Variants in DAAM1 observed in about 807,000 individuals in gnomAD.
DAAM1 encodes dishevelled associated activator of morphogenesis 1.
Under a neutral mutation model 130.0 loss-of-function variants are expected in DAAM1, and 52 were observed. The observed-to-expected ratio is 0.40, with a 90% CI of 0.32 to 0.50. DAAM1 has a LOEUF of 0.50. Ranked by LOEUF, DAAM1 falls within the 20% of genes least tolerant of loss-of-function variation. DAAM1 has a pLI of 0.61. For synonymous variants in DAAM1, 452 were observed against 444.5 expected, an observed-to-expected ratio of 1.02 and a Z score of -0.21; for missense variants, 1,134 against 1,303.8, an observed-to-expected ratio of 0.87 and a Z score of 2.01.
At chr14:59,225,070 C>T (rs1888900456) in intron 1 of DAAM1, among the ~76,000 whole-genome samples, 1 of 127,876 alleles carries the variant, frequency 7.8e-6, no homozygotes, top group South Asian at 2.6e-4. Context: ...CTTCTGTTAC[C>T]AGGCTGGAGT....
intron 23 of DAAM1, among the ~76,000 whole-genome samples, chr14:59,365,197 G>T (rs1347416756): frequency 6.6e-6 from 1 of 152,112 alleles, no homozygotes; most frequent in Non-Finnish European, 1.5e-5. Flanking sequence ...GTAGGGGGTG[G>T]AACTTTAATC....
At chr14:59,285,532 A>G (rs1031418052) in intron 2 of DAAM1, among the ~76,000 whole-genome samples, 1 of 152,188 alleles carries the variant, frequency 6.6e-6, no homozygotes, top group Admixed American at 6.6e-5. Context: ...GCTGCCTTCA[A>G]GAGACCCATC....
At chr14:59,338,314 C>G (rs906315460) in intron 15 of DAAM1, 8 of 1,485,564 alleles carry the variant, frequency 5.4e-6, no homozygotes, top group African/African-American at 4.2e-5. Flanking sequence ...TGACTTTCCC[C>G]CATTTGTTGC....
At chr14:59,335,497 C>T (rs1594831843) in intron 15 of DAAM1, among the ~76,000 whole-genome samples, 1 of 152,106 alleles carries the variant, frequency 6.6e-6, no homozygotes, top group Admixed American at 6.5e-5. Context: ...TATTCATCTC[C>T]GTTTTATGGG....
intron 23 of DAAM1, among the ~76,000 whole-genome samples, chr14:59,366,556 T>G (rs751701972): frequency 2.3e-4 from 35 of 152,216 alleles, no homozygotes; most frequent in Non-Finnish European, 4.0e-4. Context: ...TAGGGTGCTA[T>G]ACCCTACAAT....
chr14:59,305,777 G>T (rs1387823788), intron 3 of DAAM1, among the ~76,000 whole-genome samples: 1 of 152,190 alleles, frequency 6.6e-6, no homozygotes, highest in Non-Finnish European at 1.5e-5. Flanking sequence ...TCTGTAAAGT[G>T]GCACTCTTTT....
Position 59,363,661 on chromosome 14 carries a change from A to T in DAAM1, c.2705A>T (p.Tyr902Phe), listed in dbSNP as rs774887513. Reference sequence around the variant, plus strand: ...TTTCCTGTGTTTAAGGAGCTGGAATATCAGAAGTCTCAGCCCCCACAGCCC... The same window carrying T: ...TTTCCTGTGTTTAAGGAGCTGGAATTTCAGAAGTCTCAGCCCCCACAGCCC... ...GLKAVETELE[Y>F]QKSQPPQPGD... is the part of the protein sequence containing the mutation. Residue 902 changes from tyrosine (Y) to phenylalanine (F), a missense_variant, in exon 23 of 25, where the codon TAT becomes TTT. Tyr to Phe is a conservative substitution (Grantham distance 22). Around this residue, in one of 3 missense-constraint regions of DAAM1, gnomAD observed 644 missense variants for 695.9 expected, o/e 0.93. Transcript: ENST00000360909. 1 of 1,614,118 alleles carries T rather than the reference A, an allele frequency of 6.2e-7. No individual in the cohort carries two copies. The highest frequency in any genetic ancestry group is 1.7e-5 in the Admixed American group (1 of 60,024).
At position 59,331,308 on chromosome 14, in the gene DAAM1, C is replaced by A. The variant is rs751570137; in HGVS notation, c.1660C>A (p.Pro554Thr). The A allele has an allele frequency of 6.2e-7, 1 of 1,612,138 alleles. No homozygotes were observed. Among genetic ancestry groups the A allele is most frequent in the Non-Finnish European group, 8.5e-7 (1 of 1,179,760 alleles). The stretch of plus-strand genomic sequence containing the variant: ...TGGATCTCTCCTTCCTCCCCCACCA[C>A]CCCCACCTCTACCAGGTGGGATGCT... The part of the protein sequence containing the change: ...VPGSLLPPPP[P>T]PPLPGGMLPP... Residue 554 changes from proline (P) to threonine (T), a missense_variant, in exon 14 of 25, where the codon CCC becomes ACC. By Grantham distance (38) the Pro-to-Thr change is conservative. This residue lies in a region of DAAM1 where 644 missense variants were observed against 695.9 expected (regional missense o/e 0.93). Transcript: ENST00000360909.
intron 3 of DAAM1, among the ~76,000 whole-genome samples, chr14:59,294,334 CTCTA>C (rs1279796581): frequency 6.6e-6 from 1 of 152,216 alleles, no homozygotes; most frequent in Non-Finnish European, 1.5e-5. Flanking sequence ...TATGAAACTT[CTCTA>C]TCTATATCTC....
At chr14:59,259,018 C>T (rs1255120844) in intron 1 of DAAM1, among the ~76,000 whole-genome samples, 1 of 152,144 alleles carries the variant, frequency 6.6e-6, no homozygotes, top group Non-Finnish European at 1.5e-5. Flanking sequence ...CTTTTTAAGA[C>T]TTGAAAAATG....
At chr14:59,271,864 C>T (rs938254827) in intron 2 of DAAM1, among the ~76,000 whole-genome samples, 36 of 151,956 alleles carry the variant, frequency 2.4e-4, no homozygotes, top group Admixed American at 2.4e-3. Flanking sequence ...AAGTGAAGAC[C>T]GTGACTAACA....
intron 2 of DAAM1, among the ~76,000 whole-genome samples, chr14:59,274,120 T>G (rs1480979125): frequency 6.6e-6 from 1 of 152,174 alleles, no homozygotes; most frequent in African/African-American, 2.4e-5. Context: ...AGAGCTAGAA[T>G]TTTTGTTCCT....
chr14:59,362,580 T>C (rs1338719704), intron 22 of DAAM1: 4 of 151,562 alleles, frequency 2.6e-5, no homozygotes, highest in Admixed American at 2.6e-4. Flanking sequence ...AATTGATGAG[T>C]TTTCACTTCC....
chr14:59,326,129 C>G, intron 10 of DAAM1, 52 bp downstream of exon 10: 1 of 1,535,768 alleles, frequency 6.5e-7, no homozygotes. Flanking sequence ...GGACATTGTC[C>G]TAATGGGTTC....
In DAAM1 at chr14:59,258,618, T is replaced by C. The variant is rs115778209; in HGVS notation, c.-37-4823T>C. ...GCTAGGGAAGTTAAGGTGGGCAGGT[T>C]CTTCTGAGGGGTCCAGCGGAATGAT... is the stretch of plus-strand genomic sequence containing the variant. On this transcript the variant is annotated intron_variant, in intron 1 of 24. Transcript: ENST00000360909. Among the ~76,000 whole-genome samples, 1,051 of 152,334 alleles carry C rather than the reference T, an allele frequency of 6.9e-3. 15 individuals are homozygous for C. Among genetic ancestry groups the C allele is most frequent in the African/African-American group, 0.024 (1,018 of 41,574 alleles).
At chr14:59,255,338 A>C (rs370792297) in intron 1 of DAAM1, among the ~76,000 whole-genome samples, 28 of 152,210 alleles carry the variant, frequency 1.8e-4, no homozygotes, top group African/African-American at 6.7e-4. Context: ...CGGGGAACAC[A>C]CAATTCCCTT....
chr14:59,223,979 G>T (rs1888858092), intron 1 of DAAM1, among the ~76,000 whole-genome samples: 1 of 152,180 alleles, frequency 6.6e-6, no homozygotes, highest in Admixed American at 6.5e-5. Context: ...ATGGTCCAGT[G>T]TGATGTCTTG....
chr14:59,331,268 T>C lies in DAAM1; in HGVS notation c.1620T>C (p.Phe540=). 1 of 1,612,898 alleles carries C rather than the reference T, an allele frequency of 6.2e-7. No individual in the cohort carries two copies. The highest frequency in any genetic ancestry group is 2.0e-4 in the Middle Eastern group (1 of 5,086). The change falls in exon 14 of 25, where the codon TTT becomes TTC. Residue 540 remains phenylalanine, a synonymous_variant. Transcript: ENST00000360909. ...GPSPGAPGGP[F]PSSVPGSLLP... ...CGCCTGGAGCACCAGGAGGGCCCTT[T>C]CCTTCCTCTGTGCCTGGATCTCTCC...
At chr14:59,366,354 C>T (rs1189457879) in intron 23 of DAAM1, among the ~76,000 whole-genome samples, 1 of 152,152 alleles carries the variant, frequency 6.6e-6, no homozygotes. Flanking sequence ...GCTGTTTTCT[C>T]ACTGAGACCC....
Sources: gnomAD v4.1 joint callset for allele counts (sites outside exome capture counted in the v4.1 genomes callset) on GRCh38, gnomAD v4.1.1 for gene constraint, gnomAD v4.1.1 regional missense constraint, MANE v1.5 for transcripts, NCBI Gene and HGNC (gene_info 2026-07-23, HGNC 2026-07-21) for gene names.